TTC28: variants seen among roughly 807,000 people sequenced by gnomAD.
TTC28 encodes tetratricopeptide repeat protein 28.
Under a neutral mutation model 198.0 loss-of-function variants are expected in TTC28, and 61 were observed. That is an observed-to-expected ratio of 0.31 (90% CI 0.25 to 0.38). TTC28 has a LOEUF of 0.38. Ranked by LOEUF, TTC28 falls within the 10% of genes least tolerant of loss-of-function variation. The pLI, the probability that TTC28 is intolerant of heterozygous loss-of-function variation, is 1.00. For missense variants in TTC28, 2,678 were observed against 3,164.0 expected (o/e 0.85, Z 3.69); for synonymous variants, 1,171 against 1,297.8 (o/e 0.90, Z 2.10).
At chr22:28,033,140 T>C (rs1939200873) in intron 12 of TTC28, among the ~76,000 whole-genome samples, 1 of 152,188 alleles carries the variant, frequency 6.6e-6, no homozygotes, top group Admixed American at 6.5e-5. Flanking sequence ...GCCTCCATTA[T>C]CTTGCAGTTC....
At chr22:28,673,695 A>G (rs1033375220) in intron 1 of TTC28, among the ~76,000 whole-genome samples, 8 of 152,234 alleles carry the variant, frequency 5.3e-5, no homozygotes, top group African/African-American at 1.9e-4. Context: ...AAACATGCCT[A>G]TAGAAAACTG....
chr22:28,626,704 A>C (rs2051081842), intron 2 of TTC28, among the ~76,000 whole-genome samples: 2 of 152,068 alleles, frequency 1.3e-5, no homozygotes, highest in African/African-American at 2.4e-5. Flanking sequence ...TTGTGATTTC[A>C]ATTTTGAACT....
intron 22 of TTC28, 22 bp downstream of exon 22, chr22:27,985,227 T>C: frequency 6.5e-7 from 1 of 1,531,268 alleles, no homozygotes; most frequent in South Asian, 1.2e-5. Context: ...GGTGGAGAAC[T>C]GGTCTGAGGG....
intron 12 of TTC28, among the ~76,000 whole-genome samples, chr22:28,071,748 G>GAAAAAAAA (rs371615737): frequency 5.5e-5 from 5 of 91,132 alleles, no homozygotes; most frequent in South Asian, 3.5e-4. Context: ...AAAAAAAAAG[G>GAAAAAAAA]AAAAAAAAAA....
chr22:28,077,720 T>C (rs1274887034), intron 12 of TTC28, among the ~76,000 whole-genome samples: 2 of 152,174 alleles, frequency 1.3e-5, no homozygotes, highest in Non-Finnish European at 2.9e-5. Flanking sequence ...GGTAGAAAAT[T>C]TGTAAATATA....
At chr22:28,025,307 C>T (rs1388618937) in intron 13 of TTC28, among the ~76,000 whole-genome samples, 1 of 152,170 alleles carries the variant, frequency 6.6e-6, no homozygotes, top group Non-Finnish European at 1.5e-5. Context: ...ATCTCGTCAT[C>T]ATTAACCTTA....
chr22:28,030,123 C>T (rs1939012354), intron 13 of TTC28, 103 bp downstream of exon 13: 18 of 1,464,798 alleles, frequency 1.2e-5, no homozygotes, highest in Non-Finnish European at 1.6e-5. Context: ...ATGACACGAG[C>T]CAGAAGCCTA....
intron 6 of TTC28, among the ~76,000 whole-genome samples, chr22:28,113,601 T>C (rs1197274252): frequency 6.6e-6 from 1 of 152,228 alleles, no homozygotes; most frequent in African/African-American, 2.4e-5. Context: ...CTTATTAGTC[T>C]TGCTAGGTGT....
chr22:28,214,595 C>G (rs185154044), intron 5 of TTC28, among the ~76,000 whole-genome samples: 1 of 152,212 alleles, frequency 6.6e-6, no homozygotes, highest in Non-Finnish European at 1.5e-5. Flanking sequence ...CCATCTCACA[C>G]CAGTTAGAAT....
At chr22:28,065,788 T>A (rs1468152500) in intron 12 of TTC28, among the ~76,000 whole-genome samples, 1 of 152,234 alleles carries the variant, frequency 6.6e-6, no homozygotes, top group African/African-American at 2.4e-5. Flanking sequence ...AAGCTTCCAA[T>A]GAGTTAGGCT....
chr22:28,535,057 T>TATA (rs2049237396), intron 2 of TTC28, among the ~76,000 whole-genome samples: 1 of 151,854 alleles, frequency 6.6e-6, no homozygotes, highest in South Asian at 2.1e-4. Context: ...GAACTTCAAG[T>TATA]ATAATAATAA....
chr22:28,465,653 T>C lies in TTC28; in HGVS notation c.382-159010A>G, dbSNP rs2048008922. On this transcript the variant is annotated intron_variant, in intron 2 of 22. Coordinates refer to ENST00000397906, the MANE Select transcript of TTC28 (RefSeq NM_001145418.2). ...AAAAAAAAATTATGCCTTATCCTGATTATATTAATCATAGTTAGATTTAGG... is the reference window on the plus strand; with the variant it reads ...AAAAAAAAATTATGCCTTATCCTGACTATATTAATCATAGTTAGATTTAGG... Among the ~76,000 whole-genome samples the C allele has an allele frequency of 2.0e-5, 3 of 152,076 alleles. No individual in the cohort carries two copies. The South Asian group carries it at 6.2e-4, about 31-fold the overall frequency.
chr22:28,393,615 G>C (rs1342174514), intron 2 of TTC28, among the ~76,000 whole-genome samples: 1 of 152,100 alleles, frequency 6.6e-6, no homozygotes, highest in African/African-American at 2.4e-5. Flanking sequence ...GATCATTTGA[G>C]CCCAGGAGGT....
chr22:28,621,740 CT>C (rs1328978032), intron 2 of TTC28, among the ~76,000 whole-genome samples: 1 of 92,152 alleles, frequency 1.1e-5, no homozygotes, highest in Non-Finnish European at 1.9e-5. Context: ...AAGACTGTCT[CT>C]TAAAAAAAAA....
chr22:28,077,938 C>G (rs1279079392), intron 12 of TTC28, among the ~76,000 whole-genome samples: 1 of 152,134 alleles, frequency 6.6e-6, no homozygotes, highest in Non-Finnish European at 1.5e-5. Flanking sequence ...CAGCACCGTT[C>G]TAGGAGCCCA....
chr22:28,616,263 T>G (rs1365962352), intron 2 of TTC28, among the ~76,000 whole-genome samples: 2 of 152,172 alleles, frequency 1.3e-5, no homozygotes, highest in Non-Finnish European at 2.9e-5. Context: ...AATCTCCCAC[T>G]AAGTATAAAT....
intron 13 of TTC28, chr22:28,028,745 C>T (rs1938946778): frequency 3.4e-6 from 1 of 294,966 alleles, no homozygotes; most frequent in Admixed American, 4.4e-5. Flanking sequence ...ACTATTCTTC[C>T]CACTTTACTC....
intron 2 of TTC28, among the ~76,000 whole-genome samples, chr22:28,379,173 A>G (rs2046458206): frequency 6.6e-6 from 1 of 152,182 alleles, no homozygotes; most frequent in Non-Finnish European, 1.5e-5. Flanking sequence ...AGCAAAAAAA[A>G]TATATAATTT....
chr22:28,059,866 G>A (rs1940443337), intron 12 of TTC28, among the ~76,000 whole-genome samples: 1 of 151,556 alleles, frequency 6.6e-6, no homozygotes, highest in African/African-American at 2.4e-5. Flanking sequence ...CTGACTGAAG[G>A]CACTCCAGCC....
Sources: allele counts gnomAD v4.1 joint callset (sites outside exome capture counted in the v4.1 genomes callset), GRCh38; gene constraint gnomAD v4.1.1; transcripts MANE v1.5; gene names NCBI Gene and HGNC (gene_info 2026-07-23, HGNC 2026-07-21).